The following PARP15 variants were observed in gnomAD, a reference collection of about 807,000 sequenced individuals.
PARP15 encodes the protein poly(ADP-ribose) polymerase family member 15.
PARP15 carries 50 observed loss-of-function variants against 62.1 expected under a neutral mutation model. The ratio of observed to expected loss-of-function variants is 0.81; its 90% CI spans 0.64 to 1.02. PARP15 has a LOEUF of 1.02. PARP15 is among the 50% of genes least tolerant of loss of function. The pLI, the probability that PARP15 is intolerant of heterozygous loss-of-function variation, is 0.00. For missense variants in PARP15, 820 were observed against 826.5 expected, an observed-to-expected ratio of 0.99 and a Z score of 0.10; for synonymous variants, 309 against 293.1, an observed-to-expected ratio of 1.05 and a Z score of -0.55.
In PARP15 at chr3:122,584,573, C is replaced by CTTTTTTTTTTTTTTTTTTTTT. The variant is rs377394521; in HGVS notation, c.186+6720_186+6721insTTTTTTTTTTTTTTTTTTTTT. 1.5e-5 allele frequency among the ~76,000 whole-genome samples: 2 copies of CTTTTTTTTTTTTTTTTTTTTT among 136,906 alleles called. 1 individual carries two copies. The highest frequency in any genetic ancestry group is 5.6e-5 in the African/African-American group (2 of 35,850). The allele number at this position is 136,906 out of a possible 152,430, so 89.8% of individuals were successfully genotyped here. On this transcript the variant is annotated intron_variant, in intron 1 of 11. Coordinates refer to ENST00000464300, the MANE Select transcript of PARP15 (RefSeq NM_001113523.3). ...TAAGGAAATATTCATCCATTTCTTT[C>CTTTTTTTTTTTTTTTTTTTTT]CTTTTTTTTTTTTTTCCGAGATGGA...
At position 122,636,334 on chromosome 3, in the gene PARP15, C is replaced by A; in HGVS notation, c.*234C>A. The A allele has an allele frequency of 2.1e-6, 1 of 484,202 alleles. No homozygotes were observed. Among genetic ancestry groups the A allele is most frequent in the Non-Finnish European group, 3.7e-6 (1 of 271,296 alleles). The allele number at this position is 484,202 out of a possible 1,614,324, so 30.0% of individuals were successfully genotyped here. Reference sequence around the variant, plus strand: ...ATGGTAAATGTCACAGAGCTACAACCATTCACAGACACCAAATCTCTAGGA... The same window carrying A: ...ATGGTAAATGTCACAGAGCTACAACAATTCACAGACACCAAATCTCTAGGA... On this transcript the variant is annotated 3_prime_UTR_variant, in exon 12 of 12. Transcript: ENST00000464300.
chr3:122,615,291 T>C, intron 4 of PARP15: 2 of 1,289,714 alleles, frequency 1.6e-6, no homozygotes, highest in Non-Finnish European at 2.0e-6. Context: ...TTCAGGAGGC[T>C]TTGGCTGGAC....
chr3:122,613,204 C>T lies in PARP15; in HGVS notation c.707C>T (p.Pro236Leu), dbSNP rs1419722884. Residue 236 changes from proline (P) to leucine (L), a missense_variant, in exon 4 of 12, where the codon CCG (proline) becomes CTG (leucine). This residue lies in a region of PARP15 where 731 missense variants were observed against 727.7 expected (regional missense o/e 1.00). Transcript: ENST00000464300. ...TTCGAATACAGTAGCAGCACAAGGC[C>T]GATAACTAGCCCTTTACAAGAAGTC... Reference protein sequence around the residue: ...EVFEYSSSTRPITSPLQEVHF... With the variant: ...EVFEYSSSTRLITSPLQEVHF... 10 of 1,551,640 alleles carry T rather than the reference C, an allele frequency of 6.4e-6. No individual in the cohort carries two copies. Among genetic ancestry groups the T allele is most frequent in the East Asian group, 4.9e-5 (2 of 40,918 alleles).
intron 9 of PARP15, among the ~76,000 whole-genome samples, chr3:122,627,318 C>G (rs1181211176): frequency 6.6e-6 from 1 of 152,166 alleles, no homozygotes; most frequent in Non-Finnish European, 1.5e-5. Flanking sequence ...TTTGCAAATT[C>G]TAGCCAATAT....
chr3:122,613,214 C>A lies in PARP15; in HGVS notation c.717C>A (p.Ser239Arg). 1 of 1,551,802 alleles carries A rather than the reference C, an allele frequency of 6.4e-7. No homozygotes were observed. The highest frequency in any genetic ancestry group is 8.7e-7 in the Non-Finnish European group (1 of 1,146,884). ...GTAGCAGCACAAGGCCGATAACTAG[C>A]CCTTTACAAGAAGTCCACTTTCTGG... ...EYSSSTRPITSPLQEVHFLVY... is the reference protein window; with the variant it reads ...EYSSSTRPITRPLQEVHFLVY... The change falls in exon 4 of 12, where the codon AGC becomes AGA. Residue 239 changes from serine (S) to arginine (R), a missense_variant. Coordinates refer to ENST00000464300, the MANE Select transcript of PARP15 (RefSeq NM_001113523.3).
intron 7 of PARP15, 97 bp from the exon 8 acceptor site, chr3:122,621,347 C>A (rs959004387): frequency 4.1e-5 from 54 of 1,319,078 alleles, no homozygotes; most frequent in Admixed American, 1.2e-4. Flanking sequence ...GGCTTCACAG[C>A]CTTCACGGAT....
rs559059155 is a variant in PARP15 at position 122,638,134 on chromosome 3, A to C, written c.*2034A>C. On this transcript the variant is annotated 3_prime_UTR_variant, in exon 12 of 12. Coordinates refer to ENST00000464300, the MANE Select transcript of PARP15 (RefSeq NM_001113523.3). ...TCCCTACAAAGGACATGAACTCATC[A>C]TTTTTTATGGCTGCATAGTATTCCA... 7 of 151,868 alleles carry C rather than the reference A, an allele frequency of 4.6e-5. No homozygotes were observed. The South Asian group carries it at 1.0e-3, about 23-fold the overall frequency. The allele number at this position is 151,868 out of a possible 1,614,324, so 9.4% of individuals were successfully genotyped here. A position where few individuals can be genotyped will look rare whatever the true frequency, so the allele number is the denominator to read the frequency against.
chr3:122,584,588 T>TC (rs1553726046), intron 1 of PARP15, among the ~76,000 whole-genome samples: 2 of 141,776 alleles, frequency 1.4e-5, no homozygotes, highest in Non-Finnish European at 3.1e-5. Context: ...TTTTTTTTTT[T>TC]CCGAGATGGA....
intron 1 of PARP15, chr3:122,594,658 T>C (rs745667293): frequency 3.3e-6 from 3 of 913,174 alleles, no homozygotes; most frequent in Non-Finnish European, 2.6e-6. Context: ...TTTGTGGTTA[T>C]CGCCTCTAAA....
At chr3:122,618,378 A>G (rs1387213383) in intron 6 of PARP15, among the ~76,000 whole-genome samples, 1 of 152,232 alleles carries the variant, frequency 6.6e-6, no homozygotes, top group Admixed American at 6.5e-5. Context: ...AAGGAAAACA[A>G]CTATGAACAA....
intron 10 of PARP15, among the ~76,000 whole-genome samples, chr3:122,634,287 T>C (rs1252407029): frequency 2.0e-5 from 3 of 152,142 alleles, no homozygotes; most frequent in Non-Finnish European, 4.4e-5. Context: ...GCAGTAGTGA[T>C]TAGTTTTCTT....
chr3:122,625,480 C>T (rs146055490), intron 8 of PARP15, among the ~76,000 whole-genome samples: 1 of 152,178 alleles, frequency 6.6e-6, no homozygotes, highest in Non-Finnish European at 1.5e-5. Flanking sequence ...TCTCAAACTC[C>T]TGACCTGAAG....
chr3:122,625,525 A>AT (rs775827170), intron 8 of PARP15, among the ~76,000 whole-genome samples: 38 of 152,202 alleles, frequency 2.5e-4, no homozygotes, highest in Non-Finnish European at 5.3e-4. Flanking sequence ...AAGTGCTGGG[A>AT]TTACAGGCGT....
intron 1 of PARP15, among the ~76,000 whole-genome samples, chr3:122,599,556 CTT>C (rs1299886634): frequency 1.4e-5 from 2 of 139,352 alleles, no homozygotes; most frequent in Non-Finnish European, 3.2e-5. Context: ...CTCTTTCTTT[CTT>C]TTTCTTTCCT....
At chr3:122,626,799 CTTCT>C (rs776015864) in intron 8 of PARP15, 24 bp from the exon 9 acceptor site, 3 of 1,598,716 alleles carry the variant, frequency 1.9e-6, no homozygotes, top group Non-Finnish European at 1.7e-6. Context: ...TCGGGGGAAA[CTTCT>C]TTGTCATTAA....
chr3:122,583,481 A>G (rs1175020605), intron 1 of PARP15, among the ~76,000 whole-genome samples: 1 of 151,974 alleles, frequency 6.6e-6, no homozygotes, highest in African/African-American at 2.4e-5. Flanking sequence ...ATTATGCATT[A>G]TATATTGCTA....
intron 3 of PARP15, among the ~76,000 whole-genome samples, chr3:122,610,995 T>G (rs1179612283): frequency 1.3e-5 from 2 of 152,246 alleles, no homozygotes; most frequent in Non-Finnish European, 2.9e-5. Flanking sequence ...TATTGAAATC[T>G]TTATTACATT....
chr3:122,610,592 A>G lies in PARP15; in HGVS notation c.405A>G (p.Lys135=). ...AGAAAGCTGGTCCCATGCTCCAGAA[A>G]GAGTTAGATGACAGAAGGCGGGAAA... is the stretch of plus-strand genomic sequence containing the variant. The part of the protein sequence containing the change: ...FLQKAGPMLQ[K]ELDDRRRETE... Residue 135 remains lysine (K), a synonymous_variant, in exon 3 of 12, where the codon AAA becomes AAG. Coordinates refer to ENST00000464300, the MANE Select transcript of PARP15 (RefSeq NM_001113523.3). 7.1e-6 allele frequency: 11 copies of G among 1,551,808 alleles called. No homozygotes were observed. The highest frequency in any genetic ancestry group is 1.4e-5 in the African/African-American group (1 of 73,168).
At position 122,635,820 on chromosome 3, in the gene PARP15, A is replaced by G. The variant is rs1391802133; in HGVS notation, c.1757A>G (p.Tyr586Cys). The change falls in exon 12 of 12, where the codon TAT (tyrosine) becomes TGT (cysteine). Residue 586 changes from tyrosine to cysteine, a missense_variant. Tyr to Cys is a radical substitution (Grantham distance 194). Coordinates refer to ENST00000464300, the MANE Select transcript of PARP15 (RefSeq NM_001113523.3). The stretch of plus-strand genomic sequence containing the variant: ...GTCTTTCTCTTTCCAGCTGTATCCT[A>G]TGGAAAAGGAACCTATTTTGCTGTG... ...RSCAGKNAVS[Y>C]GKGTYFAVDA... is the part of the protein sequence containing the mutation. 1.2e-6 allele frequency: 2 copies of G among 1,612,938 alleles called. No individual in the cohort carries two copies. The highest frequency in any genetic ancestry group is 1.1e-5 in the South Asian group (1 of 91,042).
Sources: allele counts gnomAD v4.1 joint callset (sites outside exome capture counted in the v4.1 genomes callset), GRCh38; gene constraint gnomAD v4.1.1; regional missense constraint gnomAD v4.1.1; transcripts MANE v1.5; gene names NCBI Gene and HGNC (gene_info 2026-07-23, HGNC 2026-07-21).